BRCA2: variants seen among roughly 807,000 people sequenced by gnomAD.
BRCA2 encodes the protein breast cancer type 2 susceptibility protein.
Under a neutral mutation model 276.7 loss-of-function variants are expected in BRCA2, and 203 were observed. The observed-to-expected ratio is 0.73, with a 90% CI of 0.65 to 0.82. The LOEUF is 0.82. Among genes scored for constraint, BRCA2 ranks in the 40% least tolerant of loss-of-function variants. The probability of loss-of-function intolerance (pLI) is 0.00; values close to 1 mark genes in which losing one functional copy is unlikely to be tolerated. For synonymous variants in BRCA2, 1,289 were observed against 1,338.4 expected, an observed-to-expected ratio of 0.96 and a Z score of 0.81; for missense variants, 3,920 against 3,915.0, an observed-to-expected ratio of 1.00 and a Z score of -0.03.
In BRCA2 at chr13:32,353,653, C is replaced by T. The variant is rs561009162; in HGVS notation, c.7008-1208C>T. On this transcript the variant is annotated intron_variant, in intron 13 of 26. Coordinates refer to ENST00000380152, the MANE Select transcript of BRCA2 (RefSeq NM_000059.4). Reference sequence around the variant, plus strand: ...ACATGCAAAAACAAAATTTTGTTACCGTGTTCCCCAGCAAAACAATGTCTG... The same window carrying T: ...ACATGCAAAAACAAAATTTTGTTACTGTGTTCCCCAGCAAAACAATGTCTG... Among the ~76,000 whole-genome samples, 19 of 152,240 alleles carry T rather than the reference C, an allele frequency of 1.2e-4. No homozygotes were observed. In the Middle Eastern group the frequency reaches 0.01, roughly 82 times the overall value.
At chr13:32,385,989 G>C (rs1290165585) in intron 24 of BRCA2, 1 of 172,004 alleles carries the variant, frequency 5.8e-6, no homozygotes, top group East Asian at 1.4e-4. Flanking sequence ...GACCTGGAAA[G>C]CTTAAGCCTC....
Position 32,399,108 on chromosome 13 carries a change from C to T in BRCA2, c.*338C>T. 3.6e-6 allele frequency: 1 copy of T among 279,492 alleles called. No individual in the cohort carries two copies. The highest frequency in any genetic ancestry group is 5.0e-5 in the Admixed American group (1 of 19,946). The allele number at this position is 279,492 out of a possible 1,614,324, so 17.3% of individuals were successfully genotyped here. On this transcript the variant is annotated 3_prime_UTR_variant, in exon 27 of 27. Coordinates refer to ENST00000380152, the MANE Select transcript of BRCA2 (RefSeq NM_000059.4). ...TTGAGGCCAGGAGTTCAAGACCAGC[C>T]TGGGCAACATAGGGAGACCCCCATC...
At position 32,380,066 on chromosome 13, in the gene BRCA2, A is replaced by G. The variant is rs201561974; in HGVS notation, c.9177A>G (p.Lys3059=). The change falls in exon 24 of 27, where the codon AAA becomes AAG. Residue 3059 remains lysine (K), a synonymous_variant. Transcript: ENST00000380152. ...YQPREPLHFS[K]FLDPDFQPSC... Reference sequence around the variant, plus strand: ...CACGGGAGCCCCTTCACTTCAGCAAATTTTTAGATCCAGACTTTCAGCCAT... The same window carrying G: ...CACGGGAGCCCCTTCACTTCAGCAAGTTTTTAGATCCAGACTTTCAGCCAT... The G allele has an allele frequency of 3.1e-6, 5 of 1,614,116 alleles. No homozygotes were observed. Among genetic ancestry groups the G allele is most frequent in the South Asian group, 2.2e-5 (2 of 91,084 alleles).
At chr13:32,384,780 G>T in intron 24 of BRCA2, 1 of 264,646 alleles carries the variant, frequency 3.8e-6, no homozygotes, top group South Asian at 7.6e-5. Context: ...CAGAGTCTTG[G>T]ACCAGATTGG....
chr13:32,329,500 AAT>A lies in BRCA2; in HGVS notation c.681+11_681+12del, dbSNP rs1477791548. The A allele has an allele frequency of 1.3e-6, 2 of 1,585,200 alleles. No individual in the cohort carries two copies. The highest frequency in any genetic ancestry group is 1.3e-5 in the African/African-American group (1 of 74,450). On this transcript the variant is annotated intron_variant, in intron 8 of 26. Transcript: ENST00000380152. ...CCTCATGATACTACTGCTGTAAGTA[AAT>A]ATGACATTGATTAGACTGTTGAAAT...
chr13:32,379,039 A>G (rs560246639), intron 21 of BRCA2, among the ~76,000 whole-genome samples: 1 of 152,324 alleles, frequency 6.6e-6, no homozygotes, highest in South Asian at 2.1e-4. Context: ...TCTCAAAATA[A>G]TGAGCATTCA....
chr13:32,315,731 G>C (rs576543540), intron 1 of BRCA2, 64 bp downstream of exon 1: 1 of 153,666 alleles, frequency 6.5e-6, no homozygotes, highest in Admixed American at 6.4e-5. Flanking sequence ...CAGCGTGGCG[G>C]GGGAGCGCCT....
chr13:32,390,525 A>G (rs1028962192), intron 24 of BRCA2, among the ~76,000 whole-genome samples: 1 of 152,158 alleles, frequency 6.6e-6, no homozygotes, highest in Admixed American at 6.5e-5. Context: ...AATGCTTCCT[A>G]CCTTTAAAAA....
In BRCA2 at chr13:32,340,592, G is replaced by C. The variant is rs864622516; in HGVS notation, c.6237G>C (p.Val2079=). ...LESSLHKVKG[V]LEEFDLIRTE... ...GTTCCTTACACAAAGTTAAGGGAGTGTTAGAGGAATTTGATTTAATCAGAA... is the reference window on the plus strand; with the variant it reads ...GTTCCTTACACAAAGTTAAGGGAGTCTTAGAGGAATTTGATTTAATCAGAA... Residue 2079 remains valine (V), a synonymous_variant, in exon 11 of 27, where the codon GTG becomes GTC. Transcript: ENST00000380152. The C allele has an allele frequency of 6.2e-7, 1 of 1,608,650 alleles. No individual in the cohort carries two copies. The highest frequency in any genetic ancestry group is 2.2e-5 in the East Asian group (1 of 44,740).
rs80358998 is a variant in BRCA2, at chr13:32,331,009, C to T, written c.772C>T (p.Gln258Ter). 6.2e-7 allele frequency: 1 copy of T among 1,610,980 alleles called. No individual in the cohort carries two copies. Among genetic ancestry groups the T allele is most frequent in the Non-Finnish European group, 8.5e-7 (1 of 1,177,560 alleles). The change falls in exon 9 of 27, where the codon CAA (glutamine) becomes TAA (stop). Residue 258 changes from glutamine to a stop codon, truncating the protein, a stop_gained. Coordinates refer to ENST00000380152, the MANE Select transcript of BRCA2 (RefSeq NM_000059.4). LOFTEE classifies it high-confidence loss of function. ...TGTGACAGACAGTGAAAACACAAAT[C>T]AAAGAGAAGCTGCAAGTCATGGTAA... ...ASVTDSENTN[Q>*]REAASHGFGK...
At chr13:32,379,712 C>T (rs1381617709) in intron 22 of BRCA2, 38 bp from the exon 23 acceptor site, 6 of 1,587,734 alleles carry the variant, frequency 3.8e-6, no homozygotes, top group Non-Finnish European at 5.2e-6. Flanking sequence ...ATGATAATCA[C>T]TTCTTCCATT....
chr13:32,345,601 C>T (rs938758811), intron 12 of BRCA2, among the ~76,000 whole-genome samples: 1 of 151,978 alleles, frequency 6.6e-6, no homozygotes, highest in East Asian at 1.9e-4. Context: ...GTATCCCTAT[C>T]TGAAATGCTT....
In BRCA2 at chr13:32,316,511, A is replaced by T. The variant is rs1593880773; in HGVS notation, c.51A>T (p.Thr17=). The T allele has an allele frequency of 6.2e-7, 1 of 1,614,004 alleles. No individual in the cohort carries two copies. The highest frequency in any genetic ancestry group is 1.1e-5 in the South Asian group (1 of 91,074). The change falls in exon 2 of 27, where the codon ACA becomes ACT. Residue 17 remains threonine (T), a synonymous_variant. Transcript: ENST00000380152. ...ERPTFFEIFK[T]RCNKADLGPI... ...CAACATTTTTTGAAATTTTTAAGACACGCTGCAACAAAGCAGGTATTGACA... is the reference window on the plus strand; with the variant it reads ...CAACATTTTTTGAAATTTTTAAGACTCGCTGCAACAAAGCAGGTATTGACA...
chr13:32,389,328 A>G (rs1198597396), intron 24 of BRCA2, among the ~76,000 whole-genome samples: 1 of 152,204 alleles, frequency 6.6e-6, no homozygotes, highest in Non-Finnish European at 1.5e-5. Flanking sequence ...TGAGGAAATG[A>G]TAGCTTATCG....
intron 13 of BRCA2, among the ~76,000 whole-genome samples, chr13:32,354,389 T>C (rs1212632621): frequency 6.6e-6 from 1 of 152,020 alleles, no homozygotes; most frequent in Non-Finnish European, 1.5e-5. Context: ...GTTTCAAAGG[T>C]AGGCAAGATT....
In BRCA2 at chr13:32,337,509, G is replaced by A. The variant is rs730881520; in HGVS notation, c.3154G>A (p.Ala1052Thr). 4 of 1,607,818 alleles carry A rather than the reference G, an allele frequency of 2.5e-6. No homozygotes were observed. The highest frequency in any genetic ancestry group is 3.4e-6 in the Non-Finnish European group (4 of 1,176,864). Residue 1052 changes from alanine (A) to threonine (T), a missense_variant, in exon 11 of 27, where the codon GCA becomes ACA. Ala to Thr is a moderately conservative substitution (Grantham distance 58). This residue lies in a region of BRCA2 where 3,263 missense variants were observed against 3,156.9 expected (regional missense o/e 1.03). Transcript: ENST00000380152. ...LACVEIVNTL[A>T]LDNQKKLSKP... ...TTGTGTTGAAATTGTAAATACCTTG[G>A]CATTAGATAATCAAAAGAAACTGAG...
intron 3 of BRCA2, among the ~76,000 whole-genome samples, chr13:32,323,252 A>G (rs1182999542): frequency 2.0e-5 from 3 of 149,420 alleles, no homozygotes; most frequent in Middle Eastern, 3.3e-3. Context: ...TCCCAGGTTC[A>G]CGCCATTCTC....
At chr13:32,323,276 C>T (rs1170812922) in intron 3 of BRCA2, among the ~76,000 whole-genome samples, 1 of 151,956 alleles carries the variant, frequency 6.6e-6, no homozygotes, top group African/African-American at 2.4e-5. Flanking sequence ...CCTTAGCCTC[C>T]TGAGTAGCTG....
intron 18 of BRCA2, among the ~76,000 whole-genome samples, chr13:32,367,035 GA>G (rs1253174018): frequency 6.6e-6 from 1 of 152,132 alleles, no homozygotes; most frequent in Non-Finnish European, 1.5e-5. Flanking sequence ...TGACATACCA[GA>G]AAAAAACTAA....
Sources: allele counts gnomAD v4.1 joint callset (sites outside exome capture counted in the v4.1 genomes callset), GRCh38; gene constraint gnomAD v4.1.1; regional missense constraint gnomAD v4.1.1; transcripts MANE v1.5; gene names NCBI Gene and HGNC (gene_info 2026-07-23, HGNC 2026-07-21).